Variants in FMNL2 observed in about 807,000 individuals in gnomAD.
FMNL2 encodes formin like 2.
FMNL2 carries 51 observed loss-of-function variants against 130.2 expected under a neutral mutation model. The ratio of observed to expected loss-of-function variants is 0.39; its 90% CI spans 0.31 to 0.49. The LOEUF (loss-of-function observed/expected upper bound fraction) is 0.49. Among genes scored for constraint, FMNL2 ranks in the 20% least tolerant of loss-of-function variants. FMNL2 has a pLI of 0.85. For missense variants in FMNL2, 977 were observed against 1,316.2 expected (o/e 0.74, Z 3.99); for synonymous variants, 465 against 467.1 (o/e 1.00, Z 0.06).
At chr2:152,551,143 G>GAAAAA (rs5835434) in intron 4 of FMNL2, among the ~76,000 whole-genome samples, 1 of 121,282 alleles carries the variant, frequency 8.2e-6, no homozygotes, top group African/African-American at 3.0e-5. Context: ...CCATCTCACC[G>GAAAAA]AAAAAAAAAA....
chr2:152,423,746 G>A (rs2106054413), intron 1 of FMNL2, among the ~76,000 whole-genome samples: 1 of 152,250 alleles, frequency 6.6e-6, no homozygotes, highest in South Asian at 2.1e-4. Context: ...GAGAGCTAGA[G>A]TGATGTGCTT....
At chr2:152,399,652 G>A (rs911403477) in intron 1 of FMNL2, among the ~76,000 whole-genome samples, 1 of 152,164 alleles carries the variant, frequency 6.6e-6, no homozygotes, top group African/African-American at 2.4e-5. Flanking sequence ...TCTGCCATTT[G>A]TATGGGGATG....
At chr2:152,626,404 T>G (rs1681788678) in intron 16 of FMNL2, 121 bp from the exon 17 acceptor site, 1 of 765,054 alleles carries the variant, frequency 1.3e-6, no homozygotes, top group Non-Finnish European at 2.1e-6. Context: ...GAGGAAGCCA[T>G]GGCCAAAGAC....
intron 4 of FMNL2, among the ~76,000 whole-genome samples, chr2:152,555,012 T>C (rs960738489): frequency 1.3e-5 from 2 of 152,200 alleles, no homozygotes; most frequent in African/African-American, 4.8e-5. Flanking sequence ...TTTTTATTGC[T>C]TATCTAAGGG....
intron 1 of FMNL2, among the ~76,000 whole-genome samples, chr2:152,344,869 A>G (rs1274604674): frequency 6.6e-6 from 1 of 152,234 alleles, no homozygotes; most frequent in Non-Finnish European, 1.5e-5. Flanking sequence ...TAAGAATCCT[A>G]TAATCAAGGC....
At chr2:152,481,752 C>T (rs13011850) in intron 1 of FMNL2, among the ~76,000 whole-genome samples, 1 of 152,140 alleles carries the variant, frequency 6.6e-6, no homozygotes, top group Admixed American at 6.5e-5. Flanking sequence ...CTGATAATGT[C>T]AGATCTTCTA....
chr2:152,335,263 A>G lies in FMNL2; in HGVS notation c.-341A>G. On this transcript the variant is annotated 5_prime_UTR_variant, in exon 1 of 26. Coordinates refer to ENST00000288670, the MANE Select transcript of FMNL2 (RefSeq NM_052905.4). ...CGGCCGCGGGCCCGGCAGAAGGCCG[A>G]GTAGGAGGGACCACGCGCCGGGGGC... 1 of 161,926 alleles carries G rather than the reference A, an allele frequency of 6.2e-6. No individual in the cohort carries two copies. Among genetic ancestry groups the G allele is most frequent in the Non-Finnish European group, 1.3e-5 (1 of 75,296 alleles). 10.0% of individuals were successfully genotyped at this position (161,926 alleles called of 1,614,324 possible). A position where few individuals can be genotyped will look rare whatever the true frequency, so the allele number is the denominator to read the frequency against.
chr2:152,533,173 T>C (rs911180860), intron 2 of FMNL2, among the ~76,000 whole-genome samples: 2 of 152,218 alleles, frequency 1.3e-5, no homozygotes, highest in African/African-American at 4.8e-5. Context: ...ATCTCTTATG[T>C]TTTCTTCTGG....
chr2:152,574,058 TAGAA>T (rs1231862609), intron 6 of FMNL2, among the ~76,000 whole-genome samples: 1 of 152,196 alleles, frequency 6.6e-6, no homozygotes, highest in East Asian at 1.9e-4. Context: ...TTTAGCTTCT[TAGAA>T]AGAGACTATT....
chr2:152,638,793 G>C (rs1341116631), intron 23 of FMNL2, among the ~76,000 whole-genome samples: 2 of 152,232 alleles, frequency 1.3e-5, no homozygotes, highest in Non-Finnish European at 2.9e-5. Flanking sequence ...ATGTGCTGTA[G>C]AGATAGTCTG....
chr2:152,648,996 G>A lies in FMNL2; in HGVS notation c.*1091G>A, dbSNP rs1385586730. On this transcript the variant is annotated 3_prime_UTR_variant, in exon 26 of 26. Coordinates refer to ENST00000288670, the MANE Select transcript of FMNL2 (RefSeq NM_052905.4). ...GCCACTGTTATTTTCCTTCCTCTCTGGCAGGGCACTTGATCCATTCCAAAG... is the reference window on the plus strand; with the variant it reads ...GCCACTGTTATTTTCCTTCCTCTCTAGCAGGGCACTTGATCCATTCCAAAG... 6.6e-6 allele frequency: 1 copy of A among 152,594 alleles called. No individual in the cohort carries two copies. Among genetic ancestry groups the A allele is most frequent in the African/African-American group, 2.4e-5 (1 of 41,436 alleles). The allele number at this position is 152,594 out of a possible 1,614,324, so 9.5% of individuals were successfully genotyped here.
At chr2:152,402,463 A>G (rs1213122763) in intron 1 of FMNL2, among the ~76,000 whole-genome samples, 2 of 152,166 alleles carry the variant, frequency 1.3e-5, no homozygotes, top group African/African-American at 4.8e-5. Flanking sequence ...CTACCCTCTG[A>G]GTGTGGCCCA....
At chr2:152,629,616 T>C in intron 18 of FMNL2, 40 bp from the exon 19 acceptor site, 1 of 1,540,842 alleles carries the variant, frequency 6.5e-7, no homozygotes, top group Non-Finnish European at 8.8e-7. Flanking sequence ...ATTTTTAACA[T>C]GTCTTTTTTC....
intron 1 of FMNL2, among the ~76,000 whole-genome samples, chr2:152,344,346 AGCCAATTT>A (rs200184620): frequency 0.014 from 2,193 of 152,226 alleles, 21 homozygotes; most frequent in Non-Finnish European, 0.02. Flanking sequence ...CCAAAGACCA[AGCCAATTT>A]GCCTATGAGT....
At chr2:152,406,158 T>C (rs919968634) in intron 1 of FMNL2, among the ~76,000 whole-genome samples, 21 of 151,794 alleles carry the variant, frequency 1.4e-4, no homozygotes, top group African/African-American at 4.8e-4. Flanking sequence ...ATTTTTTTCC[T>C]TCAGTAGTAG....
Position 152,348,745 on chromosome 2 carries a change from C to T in FMNL2, c.117+13025C>T, listed in dbSNP as rs531656498. On this transcript the variant is annotated intron_variant, in intron 1 of 25. Coordinates refer to ENST00000288670, the MANE Select transcript of FMNL2 (RefSeq NM_052905.4). The stretch of plus-strand genomic sequence containing the variant: ...GAGTGAGGTAAGTTTAAATGGGCAG[C>T]GTTCTTTGTTTTGGCATGTTAGTGC... Among the ~76,000 whole-genome samples the T allele has an allele frequency of 4.7e-5, 7 of 147,902 alleles. No individual in the cohort carries two copies. The East Asian group carries it at 6.0e-4, about 13-fold the overall frequency.
chr2:152,483,412 T>C (rs1195491204), intron 1 of FMNL2, among the ~76,000 whole-genome samples: 1 of 152,188 alleles, frequency 6.6e-6, no homozygotes, highest in East Asian at 1.9e-4. Flanking sequence ...TCTACTAGTT[T>C]TTCCTTGTGT....
intron 2 of FMNL2, among the ~76,000 whole-genome samples, chr2:152,541,147 TTTTTCTTTTC>T (rs1195586977): frequency 6.6e-6 from 1 of 152,100 alleles, no homozygotes; most frequent in Non-Finnish European, 1.5e-5. Context: ...CTCATTTCTT[TTTTTCTTTTC>T]TTTTCTTTTT....
chr2:152,496,008 A>G (rs1691501221), intron 1 of FMNL2, among the ~76,000 whole-genome samples: 2 of 152,220 alleles, frequency 1.3e-5, no homozygotes, highest in South Asian at 2.1e-4. Flanking sequence ...AGACTTAAAA[A>G]AAGTTGCAAA....
Sources: allele counts gnomAD v4.1 joint callset (sites outside exome capture counted in the v4.1 genomes callset), GRCh38; gene constraint gnomAD v4.1.1; transcripts MANE v1.5; gene names NCBI Gene and HGNC (gene_info 2026-07-23, HGNC 2026-07-21).